The following BICRA variants were observed in gnomAD, a reference collection of about 807,000 sequenced individuals.
BICRA encodes the protein BRD4 interacting chromatin remodeling complex associated protein.
A neutral mutation model predicts 96.9 loss-of-function variants in BICRA; 31 were observed. The observed-to-expected ratio is 0.32, with a 90% CI of 0.24 to 0.43. BICRA has a LOEUF of 0.43. Among genes scored for constraint, BICRA ranks in the 20% least tolerant of loss-of-function variants. The probability of loss-of-function intolerance (pLI) is 1.00; values close to 1 mark genes in which losing one functional copy is unlikely to be tolerated. For missense variants in BICRA, 2,283 were observed against 2,190.3 expected (o/e 1.04, Z -0.84); for synonymous variants, 1,350 against 1,071.8 (o/e 1.26, Z -5.07).
rs200264419 is a variant in BICRA at position 47,702,391 on chromosome 19, C to A, written c.4659C>A (p.Leu1553=). 7.8e-3 allele frequency: 11,827 copies of A among 1,516,912 alleles called. 80 individuals are homozygous for A. Among genetic ancestry groups the A allele is most frequent in the Non-Finnish European group, 8.3e-3 (9,554 of 1,145,374 alleles). The allele number at this position is 1,516,912 out of a possible 1,614,324, so 94.0% of individuals were successfully genotyped here. Residue 1553 remains leucine (L), a synonymous_variant, in exon 15 of 15, where the codon CTC becomes CTA. Transcript: ENST00000594866. Reference sequence around the variant, plus strand: ...CACCCTCCAGTCACAACGGTGGCCTCGGCGCCAGGACGTTGACCAGATAAC... The same window carrying A: ...CACCCTCCAGTCACAACGGTGGCCTAGGCGCCAGGACGTTGACCAGATAAC... ...AYPPSSHNGG[L]GARTLTR is the part of the protein sequence containing the mutation.
At position 47,660,626 on chromosome 19, in the gene BICRA, G is replaced by A. The variant is rs75292187; in HGVS notation, c.-107-9817G>A. 6.6e-5 allele frequency among the ~76,000 whole-genome samples: 10 copies of A among 152,274 alleles called. No homozygotes were observed. The East Asian group carries it at 1.7e-3, about 26-fold the overall frequency. On this transcript the variant is annotated intron_variant, in intron 1 of 14. Transcript: ENST00000594866. ...CAAGGTTCACGGGAATGACTCATTC[G>A]AGGCATTTCAGGACAACTAAAGGGA...
chr19:47,643,422 G>T (rs1168424075), intron 1 of BICRA, among the ~76,000 whole-genome samples: 1 of 152,222 alleles, frequency 6.6e-6, no homozygotes, highest in Admixed American at 6.5e-5. Context: ...CATCCTAGCG[G>T]CTCAGTCCAG....
chr19:47,654,828 A>G (rs974763315), intron 1 of BICRA, among the ~76,000 whole-genome samples: 7 of 152,140 alleles, frequency 4.6e-5, no homozygotes, highest in Middle Eastern at 6.8e-3. Context: ...CACACCTGTA[A>G]AAGCCCCTAA....
intron 1 of BICRA, among the ~76,000 whole-genome samples, chr19:47,668,595 T>G (rs922722814): frequency 4.6e-5 from 7 of 151,892 alleles, no homozygotes; most frequent in Non-Finnish European, 1.0e-4. Context: ...TCAAGTGATT[T>G]TCGTGCCTCA....
intron 1 of BICRA, among the ~76,000 whole-genome samples, chr19:47,654,301 T>C (rs938408011): frequency 6.6e-6 from 1 of 152,182 alleles, no homozygotes; most frequent in African/African-American, 2.4e-5. Context: ...GAGTATCTTG[T>C]CATGGCCATT....
chr19:47,612,997 C>G (rs1266163615), intron 1 of BICRA, among the ~76,000 whole-genome samples: 4 of 152,310 alleles, frequency 2.6e-5, no homozygotes, highest in Middle Eastern at 3.4e-3. Context: ...ACACCCAGAT[C>G]TCTCAAGATT....
In BICRA at chr19:47,629,626, G is replaced by A. The variant is rs149998783; in HGVS notation, c.-108+20458G>A. Among the ~76,000 whole-genome samples the A allele has an allele frequency of 3.8e-3, 579 of 152,262 alleles. 1 individual carries two copies. Among genetic ancestry groups the A allele is most frequent in the Non-Finnish European group, 6.7e-3 (453 of 68,030 alleles). On this transcript the variant is annotated intron_variant, in intron 1 of 14. Transcript: ENST00000594866. Reference sequence around the variant, plus strand: ...CCTCTTGGCTATTGCGAATAATGCTGCTTTGAACATGAGTGTGCAAATATC... The same window carrying A: ...CCTCTTGGCTATTGCGAATAATGCTACTTTGAACATGAGTGTGCAAATATC...
chr19:47,613,671 T>C (rs1971943133), intron 1 of BICRA, among the ~76,000 whole-genome samples: 1 of 152,048 alleles, frequency 6.6e-6, no homozygotes, highest in Non-Finnish European at 1.5e-5. Context: ...GCTAGCTCCC[T>C]GGTAGGATGC....
rs1973385105 is a variant in BICRA, at chr19:47,698,586, T to TG, written c.3249-48_3249-47insG. ...AGGGACTTCCCCTGGCCCTCACCCGTCCCCCCCACCCTCCGCCGTGTGTGG... is the reference window on the plus strand; with the variant it reads ...AGGGACTTCCCCTGGCCCTCACCCGTGCCCCCCCACCCTCCGCCGTGTGTGG... On this transcript the variant is annotated intron_variant, in intron 11 of 14. Coordinates refer to ENST00000594866, the MANE Select transcript of BICRA (RefSeq NM_001394372.1). This position sits in a 1 kb window ranked among gnomAD's most constrained non-coding sequence, Gnocchi z 4.8. The TG allele has an allele frequency of 9.4e-5, 67 of 716,548 alleles. No homozygotes were observed. Among genetic ancestry groups the TG allele is most frequent in the East Asian group, 1.4e-4 (5 of 34,884 alleles). 44.4% of individuals were successfully genotyped at this position (716,548 alleles called of 1,614,324 possible). A position where few individuals can be genotyped will look rare whatever the true frequency, so the allele number is the denominator to read the frequency against.
At chr19:47,628,721 C>T (rs1425367662) in intron 1 of BICRA, among the ~76,000 whole-genome samples, 1 of 152,042 alleles carries the variant, frequency 6.6e-6, no homozygotes, top group Non-Finnish European at 1.5e-5. Context: ...CCTTCCACCT[C>T]AGCCTCCTGA....
At chr19:47,688,107 G>A (rs1382940320) in intron 7 of BICRA, among the ~76,000 whole-genome samples, 1 of 151,962 alleles carries the variant, frequency 6.6e-6, no homozygotes, top group Non-Finnish European at 1.5e-5. Flanking sequence ...GCATCTTGCC[G>A]CCTCCACGTG....
intron 1 of BICRA, among the ~76,000 whole-genome samples, chr19:47,617,891 T>C (rs1972008758): frequency 6.6e-6 from 1 of 152,168 alleles, no homozygotes; most frequent in Admixed American, 6.6e-5. Context: ...TTGTTATTAA[T>C]GGTGGTGTTA....
chr19:47,695,912 TTGTAGA>T (rs755380940), intron 10 of BICRA, among the ~76,000 whole-genome samples: 3 of 151,414 alleles, frequency 2.0e-5, no homozygotes, highest in Admixed American at 6.6e-5. Flanking sequence ...CCGAGGCCAC[TTGTAGA>T]TGTAAGACGT....
At chr19:47,619,250 T>C (rs1972029265) in intron 1 of BICRA, among the ~76,000 whole-genome samples, 1 of 151,588 alleles carries the variant, frequency 6.6e-6, no homozygotes, top group South Asian at 2.1e-4. Context: ...TTTTCCTTTT[T>C]TTTGTGTGTG....
intron 1 of BICRA, among the ~76,000 whole-genome samples, chr19:47,621,729 A>G (rs1369545438): frequency 6.6e-6 from 1 of 152,040 alleles, no homozygotes; most frequent in Non-Finnish European, 1.5e-5. Context: ...TCCGCCTCCC[A>G]AAGTGCTGGG....
intron 1 of BICRA, among the ~76,000 whole-genome samples, chr19:47,611,873 A>AT (rs748794734): frequency 2.6e-3 from 375 of 143,164 alleles, no homozygotes; most frequent in Middle Eastern, 0.011. Context: ...GTGGCATTTA[A>AT]TTTTTTTTTT....
chr19:47,680,601 C>G lies in BICRA; in HGVS notation c.1431C>G (p.Ala477=). 6.2e-7 allele frequency: 1 copy of G among 1,609,640 alleles called. No individual in the cohort carries two copies. The change falls in exon 6 of 15, where the codon GCC becomes GCG. Residue 477 remains alanine (A), a synonymous_variant. Transcript: ENST00000594866. ...PGQNQFLLPG[A]PAVQLPQQLS... ...AGAACCAGTTCCTACTGCCTGGCGC[C>G]CCGGCGGTCCAGCTCCCGCAGCAGC...
Position 47,680,745 on chromosome 19 carries a change from C to T in BICRA, c.1575C>T (p.Ser525=). 6.2e-7 allele frequency: 1 copy of T among 1,607,950 alleles called. No homozygotes were observed. Among genetic ancestry groups the T allele is most frequent in the Non-Finnish European group, 8.5e-7 (1 of 1,177,756 alleles). The change falls in exon 6 of 15, where the codon AGC becomes AGT. Residue 525 remains serine (S), a synonymous_variant. Transcript: ENST00000594866. The stretch of plus-strand genomic sequence containing the variant: ...ACCAGAACCTGGCGGGCCCACTGAG[C>T]CTGGGCCCCGTGTTGGCCCCCCACT... The part of the protein sequence containing the change: ...LTNQNLAGPL[S]LGPVLAPHSG...
intron 1 of BICRA, among the ~76,000 whole-genome samples, chr19:47,638,607 T>G (rs551584754): frequency 8.4e-6 from 1 of 118,826 alleles, no homozygotes; most frequent in South Asian, 3.1e-4. Context: ...TCTCTCTCTC[T>G]CTCTGTCACA....
Sources: allele counts gnomAD v4.1 joint callset (sites outside exome capture counted in the v4.1 genomes callset), GRCh38; gene constraint gnomAD v4.1.1; non-coding constraint Gnocchi (gnomAD v3.1); transcripts MANE v1.5; gene names NCBI Gene and HGNC (gene_info 2026-07-23, HGNC 2026-07-21).